HABP4: variants seen among roughly 807,000 people sequenced by gnomAD.
The protein encoded by HABP4 is hyaluronan binding protein 4, also known as intracellular hyaluronan-binding protein 4.
In HABP4, 32 loss-of-function variants were observed where a neutral mutation model predicts 44.1. The ratio of observed to expected loss-of-function variants is 0.73; its 90% confidence interval spans 0.55 to 0.97. The LOEUF (loss-of-function observed/expected upper bound fraction) is 0.97. Among genes scored for constraint, HABP4 ranks in the 50% least tolerant of loss-of-function variants. The pLI is 0.00. For synonymous variants in HABP4, 216 were observed against 218.0 expected, an observed-to-expected ratio of 0.99 and a Z score of 0.08; for missense variants, 503 against 561.9, an observed-to-expected ratio of 0.90 and a Z score of 1.06.
At chr9:96,456,779 AAATATATATATATATATATAT>A (rs1407518916) in intron 1 of HABP4, among the ~76,000 whole-genome samples, 9 of 60,912 alleles carry the variant, frequency 1.5e-4, no homozygotes, top group African/African-American at 2.2e-4. Context: ...AAAAAAAAAA[AAATATATATATATATATATAT>A]ATATATATAT....
intron 6 of HABP4, among the ~76,000 whole-genome samples, chr9:96,485,841 G>A (rs145421103): frequency 1.3e-5 from 2 of 152,262 alleles, no homozygotes; most frequent in African/African-American, 2.4e-5. Flanking sequence ...TGATTTTCAT[G>A]TGGAATCTCA....
chr9:96,490,287 G>C lies in HABP4; in HGVS notation c.*249G>C. ...GAAGGAATTTCAAATGAAGAATAAT[G>C]TTTAAAATGTGTATATAGAGATAGT... On this transcript the variant is annotated 3_prime_UTR_variant, in exon 8 of 8. Transcript: ENST00000375249. 1.8e-6 allele frequency: 1 copy of C among 546,944 alleles called. No homozygotes were observed. The highest frequency in any genetic ancestry group is 3.3e-6 in the Non-Finnish European group (1 of 306,182). 33.9% of individuals were successfully genotyped at this position (546,944 alleles called of 1,614,324 possible).
At chr9:96,456,580 G>A (rs926564990) in intron 1 of HABP4, among the ~76,000 whole-genome samples, 2 of 151,158 alleles carry the variant, frequency 1.3e-5, no homozygotes, top group African/African-American at 4.9e-5. Context: ...GTAACACGGT[G>A]AAACCCCGTC....
At chr9:96,468,434 T>C (rs1308633038) in intron 4 of HABP4, among the ~76,000 whole-genome samples, 1 of 152,152 alleles carries the variant, frequency 6.6e-6, no homozygotes, top group Non-Finnish European at 1.5e-5. Flanking sequence ...ATGTTTTTTG[T>C]ATATTTAGTA....
intron 1 of HABP4, among the ~76,000 whole-genome samples, chr9:96,452,061 A>G (rs1347562824): frequency 6.6e-6 from 1 of 152,014 alleles, no homozygotes; most frequent in Non-Finnish European, 1.5e-5. Flanking sequence ...TCCCGTCTCT[A>G]TTACAAATAC....
At chr9:96,465,829 C>G (rs1564162491) in intron 4 of HABP4, 51 bp downstream of exon 4, 4 of 965,398 alleles carry the variant, frequency 4.1e-6, no homozygotes, top group Non-Finnish European at 6.8e-6. Context: ...GTGGAAATCT[C>G]TGGATCTTTG....
intron 1 of HABP4, among the ~76,000 whole-genome samples, chr9:96,453,546 A>G (rs1832323809): frequency 6.6e-6 from 1 of 152,208 alleles, no homozygotes; most frequent in Admixed American, 6.5e-5. Context: ...CTATCTGTCT[A>G]GCAATATGTA....
intron 1 of HABP4, among the ~76,000 whole-genome samples, chr9:96,452,849 A>C (rs567518130): frequency 2.6e-5 from 4 of 151,484 alleles, no homozygotes; most frequent in Non-Finnish European, 4.4e-5. Context: ...CATGTTTGAC[A>C]TATCATAGAA....
At chr9:96,470,929 CAAT>C (rs1832686125) in intron 4 of HABP4, 79 bp from the exon 5 acceptor site, 7 of 699,880 alleles carry the variant, frequency 1.0e-5, no homozygotes, top group Non-Finnish European at 1.7e-5. Context: ...ACCAAAAAAA[CAAT>C]GTTTTCTCCT....
chr9:96,488,900 G>C lies in HABP4; in HGVS notation c.1185+626G>C, dbSNP rs1312871706. 1.3e-5 allele frequency among the ~76,000 whole-genome samples: 2 copies of C among 152,160 alleles called. No homozygotes were observed. Among genetic ancestry groups the C allele is most frequent in the Admixed American group, 1.3e-4 (2 of 15,286 alleles). On this transcript the variant is annotated intron_variant, in intron 7 of 7. Transcript: ENST00000375249. This position sits in a 1 kb window ranked among gnomAD's most constrained non-coding sequence, Gnocchi z 4.6. The stretch of plus-strand genomic sequence containing the variant: ...TCATTGAAGCCTGATCTCCGTGTGC[G>C]GCTGTATTCTCACTGGTGTGGCTAT...
chr9:96,459,818 G>A (rs1169570843), intron 2 of HABP4, among the ~76,000 whole-genome samples: 2 of 152,234 alleles, frequency 1.3e-5, no homozygotes, highest in Non-Finnish European at 2.9e-5. Flanking sequence ...GACTCATGCA[G>A]AACTGTTCAC....
At chr9:96,461,720 T>A (rs1832502306) in intron 2 of HABP4, among the ~76,000 whole-genome samples, 1 of 152,156 alleles carries the variant, frequency 6.6e-6, no homozygotes, top group Non-Finnish European at 1.5e-5. Flanking sequence ...TGAATTTAGA[T>A]AATCTTTCGA....
chr9:96,483,383 T>TC (rs1460314551), intron 5 of HABP4: 1 of 152,012 alleles, frequency 6.6e-6, no homozygotes, highest in African/African-American at 2.4e-5. Flanking sequence ...ATTCTTTTTT[T>TC]TTTTTTTAAA....
chr9:96,456,778 AAAATATATATATATATATAT>A (rs1248326428), intron 1 of HABP4, among the ~76,000 whole-genome samples: 20 of 53,224 alleles, frequency 3.8e-4, no homozygotes, highest in South Asian at 2.9e-3. Flanking sequence ...AAAAAAAAAA[AAAATATATATATATATATAT>A]ATATATATAT....
chr9:96,485,238 A>G (rs1340631685), intron 6 of HABP4, among the ~76,000 whole-genome samples: 1 of 152,064 alleles, frequency 6.6e-6, no homozygotes, highest in Non-Finnish European at 1.5e-5. Flanking sequence ...TTTAGTAGAG[A>G]CGGGGCTTTT....
intron 5 of HABP4, among the ~76,000 whole-genome samples, chr9:96,478,600 A>G (rs746507628): frequency 1.6e-4 from 24 of 151,424 alleles, no homozygotes; most frequent in Admixed American, 6.6e-5. Flanking sequence ...GTCAGTTTTT[A>G]TAACTTTCAG....
chr9:96,471,168 GA>G, intron 5 of HABP4, 74 bp downstream of exon 5: 4 of 840,752 alleles, frequency 4.8e-6, no homozygotes, highest in Non-Finnish European at 6.1e-6. Context: ...TTTTGAGATG[GA>G]ACTTGCTTTG....
rs1447371975 is a variant in HABP4, at chr9:96,490,568, A to G, written c.*530A>G. The stretch of plus-strand genomic sequence containing the variant: ...TTTGAGTTCTGGTTTTCACTTAACC[A>G]ATCATTTAAAAATCGCTATTGTGTA... On this transcript the variant is annotated 3_prime_UTR_variant, in exon 8 of 8. Transcript: ENST00000375249. The G allele has an allele frequency of 6.6e-6, 1 of 152,518 alleles. No individual in the cohort carries two copies. Among genetic ancestry groups the G allele is most frequent in the Non-Finnish European group, 1.5e-5 (1 of 68,270 alleles). 9.4% of individuals were successfully genotyped at this position (152,518 alleles called of 1,614,324 possible).
chr9:96,477,452 C>T (rs531302782), intron 5 of HABP4, among the ~76,000 whole-genome samples: 1 of 152,270 alleles, frequency 6.6e-6, no homozygotes, highest in African/African-American at 2.4e-5. Flanking sequence ...TTCTGCCTCC[C>T]CCAGGGTATC....
Sources: allele counts gnomAD v4.1 joint callset (sites outside exome capture counted in the v4.1 genomes callset), GRCh38; gene constraint gnomAD v4.1.1; non-coding constraint Gnocchi (gnomAD v3.1); transcripts MANE v1.5; gene names NCBI Gene and HGNC (gene_info 2026-07-23, HGNC 2026-07-21).